FAT3: variants seen among roughly 807,000 people sequenced by gnomAD.
FAT3 encodes the protein FAT atypical cadherin 3, also known as protocadherin Fat 3.
A neutral mutation model predicts 310.2 loss-of-function variants in FAT3; 95 were observed. That is an observed-to-expected ratio of 0.31 (90% CI 0.26 to 0.36). FAT3 has a LOEUF of 0.36. FAT3 is among the 10% of genes least tolerant of loss of function. The probability of loss-of-function intolerance (pLI) is 1.00; values close to 1 mark genes in which losing one functional copy is unlikely to be tolerated. For synonymous variants in FAT3, 2,314 were observed against 2,192.9 expected (o/e 1.06, Z -1.54); for missense variants, 5,408 against 5,715.6 (o/e 0.95, Z 1.74).
At chr11:92,375,579 A>G (rs928089812) in intron 2 of FAT3, among the ~76,000 whole-genome samples, 2 of 152,152 alleles carry the variant, frequency 1.3e-5, no homozygotes, top group African/African-American at 4.8e-5. Context: ...CCTTGAACCC[A>G]GGACTTGTAA....
At chr11:92,727,781 T>C (rs1255208504) in intron 4 of FAT3, among the ~76,000 whole-genome samples, 1 of 152,202 alleles carries the variant, frequency 6.6e-6, no homozygotes, top group Non-Finnish European at 1.5e-5. Context: ...AGGCTCCACT[T>C]TCCATGTGCT....
At chr11:92,731,323 G>T (rs2135999666) in intron 4 of FAT3, among the ~76,000 whole-genome samples, 1 of 152,198 alleles carries the variant, frequency 6.6e-6, no homozygotes, top group Admixed American at 6.5e-5. Context: ...ATAGCAGAGA[G>T]CAGGTACCTA....
At chr11:92,664,707 A>G (rs552498561) in intron 3 of FAT3, among the ~76,000 whole-genome samples, 8 of 152,224 alleles carry the variant, frequency 5.3e-5, no homozygotes, top group Non-Finnish European at 1.2e-4. Flanking sequence ...AATTTGATAC[A>G]TGCTTTCATC....
chr11:92,400,404 C>T (rs755666330), intron 2 of FAT3: 1 of 152,068 alleles, frequency 6.6e-6, no homozygotes, highest in Non-Finnish European at 1.5e-5. Context: ...CTGCAGATCA[C>T]AGTCCTCAAA....
intron 1 of FAT3, among the ~76,000 whole-genome samples, chr11:92,277,442 A>G (rs1946302378): frequency 6.6e-6 from 1 of 152,188 alleles, no homozygotes; most frequent in East Asian, 1.9e-4. Flanking sequence ...CACAACAGCA[A>G]GACATGGAAT....
intron 3 of FAT3, among the ~76,000 whole-genome samples, chr11:92,575,109 T>G (rs745953378): frequency 2.6e-5 from 4 of 152,146 alleles, no homozygotes; most frequent in Non-Finnish European, 5.9e-5. Context: ...TTCCATTTGT[T>G]AGTTAGTTGT....
chr11:92,368,733 A>G (rs998542138), intron 2 of FAT3, among the ~76,000 whole-genome samples: 1 of 151,778 alleles, frequency 6.6e-6, no homozygotes, highest in Non-Finnish European at 1.5e-5. Context: ...TCTTAATTCC[A>G]TGCTAAAATG....
intron 4 of FAT3, among the ~76,000 whole-genome samples, chr11:92,714,579 C>A (rs1311788368): frequency 6.6e-6 from 1 of 152,066 alleles, no homozygotes; most frequent in Admixed American, 6.5e-5. Flanking sequence ...TGATCCATGG[C>A]AGAAATTAGG....
intron 2 of FAT3, among the ~76,000 whole-genome samples, chr11:92,421,413 A>G (rs752815884): frequency 2.8e-4 from 43 of 152,186 alleles, no homozygotes; most frequent in Non-Finnish European, 5.3e-4. Context: ...TTGTTTAAAT[A>G]TCTATTGAGC....
At chr11:92,412,718 T>C (rs185698944) in intron 2 of FAT3, among the ~76,000 whole-genome samples, 12 of 27,886 alleles carry the variant, frequency 4.3e-4, no homozygotes, top group Non-Finnish European at 9.0e-4. Context: ...TATATATATA[T>C]ATATATATAT....
At chr11:92,652,164 G>T (rs923440123) in intron 3 of FAT3, among the ~76,000 whole-genome samples, 2 of 152,148 alleles carry the variant, frequency 1.3e-5, no homozygotes, top group South Asian at 4.2e-4. Context: ...CTCTGCAGTC[G>T]TGGGATGTAA....
intron 4 of FAT3, among the ~76,000 whole-genome samples, chr11:92,730,378 T>C (rs770363712): frequency 3.3e-5 from 5 of 152,176 alleles, no homozygotes; most frequent in Non-Finnish European, 5.9e-5. Context: ...ATATATAAAC[T>C]CTGAGCTTTA....
Position 92,524,812 on chromosome 11 carries a change from C to T in FAT3, c.3471C>T (p.Val1157=). 1 of 1,613,792 alleles carries T rather than the reference C, an allele frequency of 6.2e-7. No individual in the cohort carries two copies. The highest frequency in any genetic ancestry group is 8.5e-7 in the Non-Finnish European group (1 of 1,179,822). The change falls in exon 3 of 28, where the codon GTC becomes GTT. Residue 1157 remains valine, a synonymous_variant. Transcript: ENST00000525166. The stretch of plus-strand genomic sequence containing the variant: ...CAGAACCTATATATTATCCTGTTGT[C>T]ATGGAAAACTCTCCAAAGGACGTAT... The part of the protein sequence containing the change: ...LTSEPIYYPV[V]MENSPKDVSV...
At chr11:92,623,160 A>G (rs889488853) in intron 3 of FAT3, among the ~76,000 whole-genome samples, 1 of 138,604 alleles carries the variant, frequency 7.2e-6, no homozygotes, top group Non-Finnish European at 1.5e-5. Flanking sequence ...CTGACCTGCC[A>G]TAGTCCCATG....
intron 22 of FAT3, among the ~76,000 whole-genome samples, chr11:92,874,141 A>T (rs937303220): frequency 6.6e-6 from 1 of 152,082 alleles, no homozygotes; most frequent in Non-Finnish European, 1.5e-5. Context: ...AAAAAAATCA[A>T]TTTTTTAAGA....
intron 3 of FAT3, among the ~76,000 whole-genome samples, chr11:92,584,021 C>T (rs373448343): frequency 3.9e-5 from 6 of 152,054 alleles, no homozygotes; most frequent in African/African-American, 9.6e-5. Context: ...GAATTCTTTC[C>T]GGGTGACCTC....
rs187243437 is a variant in FAT3 at position 92,442,942 on chromosome 11, A to G, written c.3293-81692A>G. ...TTTCTAAAATATGTTTTTAATAACA[A>G]CTGAAACCGTGCATGATATATGTAA... On this transcript the variant is annotated intron_variant, in intron 2 of 27. Coordinates refer to ENST00000525166, the MANE Select transcript of FAT3 (RefSeq NM_001367949.2). Among the ~76,000 whole-genome samples the G allele has an allele frequency of 4.2e-3, 639 of 152,354 alleles. 3 individuals are homozygous for G. Among genetic ancestry groups the G allele is most frequent in the Non-Finnish European group, 7.0e-3 (479 of 68,032 alleles).
chr11:92,298,699 A>AT (rs1358203672), intron 1 of FAT3, among the ~76,000 whole-genome samples: 3 of 151,808 alleles, frequency 2.0e-5, no homozygotes, highest in South Asian at 2.1e-4. Flanking sequence ...TCAACTTCCA[A>AT]TTTTTTTTCC....
rs1331222493 is a variant in FAT3 at position 92,524,762 on chromosome 11, G to A, written c.3421G>A (p.Val1141Met). The A allele has an allele frequency of 6.2e-7, 1 of 1,613,776 alleles. No individual in the cohort carries two copies. The highest frequency in any genetic ancestry group is 1.1e-5 in the South Asian group (1 of 91,060). ...TIEVYIEVEDVNDNAPLTSEP... is the reference protein window; with the variant it reads ...TIEVYIEVEDMNDNAPLTSEP... Reference sequence around the variant, plus strand: ...TGAGGTCTACATTGAAGTTGAAGATGTGAATGACAATGCCCCGCTGACCTC... The same window carrying A: ...TGAGGTCTACATTGAAGTTGAAGATATGAATGACAATGCCCCGCTGACCTC... The change falls in exon 3 of 28, where the codon GTG becomes ATG. Residue 1141 changes from valine (V) to methionine (M), a missense_variant. Transcript: ENST00000525166.
Sources: allele counts gnomAD v4.1 joint callset (sites outside exome capture counted in the v4.1 genomes callset), GRCh38; gene constraint gnomAD v4.1.1; transcripts MANE v1.5; gene names NCBI Gene and HGNC (gene_info 2026-07-23, HGNC 2026-07-21).